IGSF3: variants seen among roughly 807,000 people sequenced by gnomAD.
IGSF3 encodes glu-Trp-Ile EWI motif-containing protein 3.
Under a neutral mutation model 114.4 loss-of-function variants are expected in IGSF3, and 23 were observed. That is an observed-to-expected ratio of 0.20 (90% CI 0.14 to 0.28). The LOEUF is 0.28. IGSF3 is among the 10% of genes least tolerant of loss of function. IGSF3 has a pLI of 1.00. For synonymous variants in IGSF3, 571 were observed against 645.2 expected (o/e 0.88, Z 1.74); for missense variants, 1,172 against 1,591.5 (o/e 0.74, Z 4.48).
In IGSF3 at chr1:116,638,768, T is replaced by G. The variant is rs546947323; in HGVS notation, c.44-22311A>C. 4.1e-4 allele frequency among the ~76,000 whole-genome samples: 63 copies of G among 152,310 alleles called. No individual in the cohort carries two copies. Among genetic ancestry groups the G allele is most frequent in the African/African-American group, 1.5e-3 (62 of 41,566 alleles). ...ACCAGCTAACTCCTACAGCAGAGTC[T>G]TGCCAGGCCCTCCCCTAATTGCTCT... On this transcript the variant is annotated intron_variant, in intron 2 of 10. Coordinates refer to ENST00000369486, the MANE Select transcript of IGSF3 (RefSeq NM_001007237.3). This position sits in a 1 kb window ranked among gnomAD's most constrained non-coding sequence, Gnocchi z 4.1.
rs1648523353 is a variant in IGSF3, at chr1:116,649,141, T to G, written c.43+17143A>C. Among the ~76,000 whole-genome samples the G allele has an allele frequency of 6.6e-6, 1 of 152,154 alleles. No individual in the cohort carries two copies. On this transcript the variant is annotated intron_variant, in intron 2 of 10. Coordinates refer to ENST00000369486, the MANE Select transcript of IGSF3 (RefSeq NM_001007237.3). The surrounding 1 kb of genome is among the most constrained non-coding windows in gnomAD (Gnocchi z 4.5). Reference sequence around the variant, plus strand: ...GGATTTCCCAGCTGAGCAAGAACCGTCAAAGTCTGGTCCTGGAAGGACAGC... The same window carrying G: ...GGATTTCCCAGCTGAGCAAGAACCGGCAAAGTCTGGTCCTGGAAGGACAGC...
rs2101070417 is a variant in IGSF3, at chr1:116,651,267, A to G, written c.43+15017T>C. Among the ~76,000 whole-genome samples, 1 of 152,324 alleles carries G rather than the reference A, an allele frequency of 6.6e-6. No individual in the cohort carries two copies. The highest frequency in any genetic ancestry group is 2.1e-4 in the South Asian group (1 of 4,830). On this transcript the variant is annotated intron_variant, in intron 2 of 10. Coordinates refer to ENST00000369486, the MANE Select transcript of IGSF3 (RefSeq NM_001007237.3). This position sits in a 1 kb window ranked among gnomAD's most constrained non-coding sequence, Gnocchi z 4.4. ...TCTCTTTCCTGCCTCTTTCTTCTTC[A>G]GGCCAAATGGCTCCTATCCCTGCCT...
In IGSF3 at chr1:116,665,458, T is replaced by C. The variant is rs776429679; in HGVS notation, c.43+826A>G. 6.6e-6 allele frequency among the ~76,000 whole-genome samples: 1 copy of C among 152,132 alleles called. No individual in the cohort carries two copies. Among genetic ancestry groups the C allele is most frequent in the Non-Finnish European group, 1.5e-5 (1 of 68,010 alleles). On this transcript the variant is annotated intron_variant, in intron 2 of 10. Transcript: ENST00000369486. This position sits in a 1 kb window ranked among gnomAD's most constrained non-coding sequence, Gnocchi z 4.0. Reference sequence around the variant, plus strand: ...AATGAAGTTTATCCTAGACCTGAGATGTGTTCTAAGACAGCACGCTGAAGA... The same window carrying C: ...AATGAAGTTTATCCTAGACCTGAGACGTGTTCTAAGACAGCACGCTGAAGA...
At position 116,650,735 on chromosome 1, in the gene IGSF3, T is replaced by C. The variant is rs1648598953; in HGVS notation, c.43+15549A>G. The stretch of plus-strand genomic sequence containing the variant: ...CTGGCAGATAAGGATGCTCAACAAA[T>C]AGCTGTGGAACTACAAATTATCCTG... On this transcript the variant is annotated intron_variant, in intron 2 of 10. Coordinates refer to ENST00000369486, the MANE Select transcript of IGSF3 (RefSeq NM_001007237.3). This position sits in a 1 kb window ranked among gnomAD's most constrained non-coding sequence, Gnocchi z 5.0. Among the ~76,000 whole-genome samples the C allele has an allele frequency of 6.6e-6, 1 of 152,204 alleles. No individual in the cohort carries two copies. Among genetic ancestry groups the C allele is most frequent in the East Asian group, 1.9e-4 (1 of 5,202 alleles).
Position 116,655,493 on chromosome 1 carries a change from CA to C in IGSF3, c.43+10790del, listed in dbSNP as rs1237859051. Among the ~76,000 whole-genome samples the C allele has an allele frequency of 7.2e-5, 11 of 152,168 alleles. No homozygotes were observed. Among genetic ancestry groups the C allele is most frequent in the Non-Finnish European group, 1.3e-4 (9 of 68,040 alleles). On this transcript the variant is annotated intron_variant, in intron 2 of 10. Transcript: ENST00000369486. The surrounding 1 kb of genome is among the most constrained non-coding windows in gnomAD (Gnocchi z 4.3). ...TTCCCGTGAACGTTGAGAAGTAACC[CA>C]ACGCTGTGAAATGATAATCTTTTTA... is the stretch of plus-strand genomic sequence containing the variant.
rs2101403243 is a variant in IGSF3, at chr1:116,596,186, T to C, written c.2029+3755A>G. ...CAGACCACAAAGAAGCTTGCTGCGATAAATGATATCACAGCAGTGGAAGGC... is the reference window on the plus strand; with the variant it reads ...CAGACCACAAAGAAGCTTGCTGCGACAAATGATATCACAGCAGTGGAAGGC... On this transcript the variant is annotated intron_variant, in intron 7 of 10. Transcript: ENST00000369486. This position sits in a 1 kb window ranked among gnomAD's most constrained non-coding sequence, Gnocchi z 4.1. Among the ~76,000 whole-genome samples the C allele has an allele frequency of 6.6e-6, 1 of 152,348 alleles. No individual in the cohort carries two copies. The highest frequency in any genetic ancestry group is 1.9e-4 in the East Asian group (1 of 5,192).
At position 116,665,928 on chromosome 1, in the gene IGSF3, C is replaced by G. The variant is rs1273054941; in HGVS notation, c.43+356G>C. On this transcript the variant is annotated intron_variant, in intron 2 of 10. Coordinates refer to ENST00000369486, the MANE Select transcript of IGSF3 (RefSeq NM_001007237.3). The surrounding 1 kb of genome is among the most constrained non-coding windows in gnomAD (Gnocchi z 4.0). ...CCAATTAGGAATCAATGCAGCCCAACAAAGAAGTGAAAACACCAGAGCATC... is the reference window on the plus strand; with the variant it reads ...CCAATTAGGAATCAATGCAGCCCAAGAAAGAAGTGAAAACACCAGAGCATC... Among the ~76,000 whole-genome samples the G allele has an allele frequency of 1.3e-5, 2 of 152,158 alleles. No individual in the cohort carries two copies. The highest frequency in any genetic ancestry group is 4.8e-5 in the African/African-American group (2 of 41,424).
chr1:116,647,640 C>T lies in IGSF3; in HGVS notation c.43+18644G>A, dbSNP rs1388354173. Among the ~76,000 whole-genome samples the T allele has an allele frequency of 2.0e-5, 3 of 152,216 alleles. No individual in the cohort carries two copies. Among genetic ancestry groups the T allele is most frequent in the South Asian group, 4.1e-4 (2 of 4,830 alleles). ...TAGAAAAGTAACTTGCAAAATCATA[C>T]TGCTGGCTCCATAACAAATGTTGAT... On this transcript the variant is annotated intron_variant, in intron 2 of 10. Transcript: ENST00000369486. The surrounding 1 kb of genome is among the most constrained non-coding windows in gnomAD (Gnocchi z 4.6).
rs576349599 is a variant in IGSF3, at chr1:116,584,888, G to A, written c.2605C>T (p.Arg869Cys). Residue 869 changes from arginine to cysteine, a missense_variant, in exon 9 of 11, where the codon CGC (arginine) becomes TGC (cysteine). Around this residue, in one of 3 missense-constraint regions of IGSF3, gnomAD observed 423 missense variants for 509.8 expected, o/e 0.83. Coordinates refer to ENST00000369486, the MANE Select transcript of IGSF3 (RefSeq NM_001007237.3). This position sits in a 1 kb window ranked among gnomAD's most constrained non-coding sequence, Gnocchi z 5.8. ...TGGAAGGTGGCGTCACGGCTCAAGC[G>A]GGCCACAGTCTCCCGCTCAGGGTGG... ...PNHPERETVARLSRDATFHYG... is the reference protein window; with the variant it reads ...PNHPERETVACLSRDATFHYG... The A allele has an allele frequency of 1.8e-5, 29 of 1,614,196 alleles. No homozygotes were observed. Among genetic ancestry groups the A allele is most frequent in the African/African-American group, 9.3e-5 (7 of 75,054 alleles).
chr1:116,609,993 G>A (rs1433870644), intron 4 of IGSF3, among the ~76,000 whole-genome samples: 2 of 152,072 alleles, frequency 1.3e-5, no homozygotes, highest in Non-Finnish European at 2.9e-5. Flanking sequence ...CTTCCTGACA[G>A]GGAAAACCAC....
At position 116,624,951 on chromosome 1, in the gene IGSF3, T is replaced by C. The variant is rs1466091891; in HGVS notation, c.44-8494A>G. On this transcript the variant is annotated intron_variant, in intron 2 of 10. Coordinates refer to ENST00000369486, the MANE Select transcript of IGSF3 (RefSeq NM_001007237.3). The surrounding 1 kb of genome is among the most constrained non-coding windows in gnomAD (Gnocchi z 4.9). ...CCAGCTCCACCTGCCACCATGTGAG[T>C]GAACAAGCCTCCACTGTGAGCTGCC... is the stretch of plus-strand genomic sequence containing the variant. Among the ~76,000 whole-genome samples, 1 of 152,148 alleles carries C rather than the reference T, an allele frequency of 6.6e-6. No homozygotes were observed. Among genetic ancestry groups the C allele is most frequent in the Non-Finnish European group, 1.5e-5 (1 of 68,016 alleles).
rs894787654 is a variant in IGSF3, at chr1:116,588,432, G to T, written c.2440+262C>A. 1.3e-5 allele frequency among the ~76,000 whole-genome samples: 2 copies of T among 152,194 alleles called. No homozygotes were observed. The highest frequency in any genetic ancestry group is 4.8e-5 in the African/African-American group (2 of 41,454). On this transcript the variant is annotated intron_variant, in intron 8 of 10. Coordinates refer to ENST00000369486, the MANE Select transcript of IGSF3 (RefSeq NM_001007237.3). The surrounding 1 kb of genome is among the most constrained non-coding windows in gnomAD (Gnocchi z 4.9). ...TTGCCACATTTTGCTAACCACAGCT[G>T]CCCTGCTCCTTGGTGAAGATGGTAT... is the stretch of plus-strand genomic sequence containing the variant.
chr1:116,582,048 C>A lies in IGSF3; in HGVS notation c.2849-2171G>T, dbSNP rs981938406. Reference sequence around the variant, plus strand: ...CAGAAACACCTCCTCCCTCTTCAATCTCCCTTTGCTTTCTTGTCTTCTAAC... The same window carrying A: ...CAGAAACACCTCCTCCCTCTTCAATATCCCTTTGCTTTCTTGTCTTCTAAC... On this transcript the variant is annotated intron_variant, in intron 9 of 10. Coordinates refer to ENST00000369486, the MANE Select transcript of IGSF3 (RefSeq NM_001007237.3). The surrounding 1 kb of genome is among the most constrained non-coding windows in gnomAD (Gnocchi z 4.7). Among the ~76,000 whole-genome samples the A allele has an allele frequency of 2.6e-5, 4 of 152,304 alleles. No individual in the cohort carries two copies. The East Asian group carries it at 7.7e-4, about 29-fold the overall frequency.
rs1463614488 is a variant in IGSF3 at position 116,629,081 on chromosome 1, G to T, written c.44-12624C>A. ...ACAAGAATGAGCACTATACCATAGG[G>T]GGGTGGGTCACAAAAGCAGGAAAAG... On this transcript the variant is annotated intron_variant, in intron 2 of 10. Transcript: ENST00000369486. The surrounding 1 kb of genome is among the most constrained non-coding windows in gnomAD (Gnocchi z 4.3). Among the ~76,000 whole-genome samples, 1 of 152,158 alleles carries T rather than the reference G, an allele frequency of 6.6e-6. No individual in the cohort carries two copies. The highest frequency in any genetic ancestry group is 1.5e-5 in the Non-Finnish European group (1 of 68,036).
At position 116,574,828 on chromosome 1, in the gene IGSF3, C is replaced by T. The variant is rs1659273130; in HGVS notation, c.*2484G>A. ...CACCATTACCATCCATCTGACATCG[C>T]ATTTCCATAGAAATGGCCAAAGAAA... On this transcript the variant is annotated 3_prime_UTR_variant, in exon 11 of 11. Transcript: ENST00000369486. The surrounding 1 kb of genome is among the most constrained non-coding windows in gnomAD (Gnocchi z 5.2). The T allele has an allele frequency of 6.6e-6, 1 of 152,630 alleles. No individual in the cohort carries two copies. Among genetic ancestry groups the T allele is most frequent in the South Asian group, 2.1e-4 (1 of 4,830 alleles). The allele number at this position is 152,630 out of a possible 1,614,324, so 9.5% of individuals were successfully genotyped here. A position where few individuals can be genotyped will look rare whatever the true frequency, so the allele number is the denominator to read the frequency against.
Position 116,588,931 on chromosome 1 carries a change from G to C in IGSF3, c.2203C>G (p.His735Asp). ...ADGKLILKTT[H>D]NSAFEYGTYA... ...GTACCGTATTCAAAGGCGGAGTTGT[G>C]GGTGGTCTTCAGGATAAGCTTGCCA... The change falls in exon 8 of 11, where the codon CAC becomes GAC. Residue 735 changes from histidine (H) to aspartate (D), a missense_variant. This residue lies in a region of IGSF3 where 736 missense variants were observed against 1,042.0 expected (regional missense o/e 0.71). Transcript: ENST00000369486. This position sits in a 1 kb window ranked among gnomAD's most constrained non-coding sequence, Gnocchi z 4.9. 1 of 1,614,192 alleles carries C rather than the reference G, an allele frequency of 6.2e-7. No individual in the cohort carries two copies. Among genetic ancestry groups the C allele is most frequent in the Admixed American group, 1.7e-5 (1 of 60,030 alleles).
Position 116,588,610 on chromosome 1 carries a change from C to A in IGSF3, c.2440+84G>T, listed in dbSNP as rs1395788787. On this transcript the variant is annotated intron_variant, in intron 8 of 10. Transcript: ENST00000369486. This position sits in a 1 kb window ranked among gnomAD's most constrained non-coding sequence, Gnocchi z 4.9. ...GCACCTTGCAGACAGTCTCTCCACACCAGCCCCACAGATCCCCACCCACCC... is the reference window on the plus strand; with the variant it reads ...GCACCTTGCAGACAGTCTCTCCACAACAGCCCCACAGATCCCCACCCACCC... 7.7e-7 allele frequency: 1 copy of A among 1,293,042 alleles called. No individual in the cohort carries two copies. Among genetic ancestry groups the A allele is most frequent in the Non-Finnish European group, 1.1e-6 (1 of 939,138 alleles). The allele number at this position is 1,293,042 out of a possible 1,614,324, so 80.1% of individuals were successfully genotyped here.
Position 116,664,366 on chromosome 1 carries a change from G to C in IGSF3, c.43+1918C>G, listed in dbSNP as rs905844437. ...CACTCCACAGAGTGGCCCAGAGAGC[G>C]AACAGCAGGGGGACCAGCATGCAGC... On this transcript the variant is annotated intron_variant, in intron 2 of 10. Transcript: ENST00000369486. The surrounding 1 kb of genome is among the most constrained non-coding windows in gnomAD (Gnocchi z 4.6). 2.0e-5 allele frequency among the ~76,000 whole-genome samples: 3 copies of C among 152,192 alleles called. No individual in the cohort carries two copies. Among genetic ancestry groups the C allele is most frequent in the Admixed American group, 6.5e-5 (1 of 15,282 alleles).
At chr1:116,599,898 T>A in intron 7 of IGSF3, 43 bp downstream of exon 7, 1 of 1,569,788 alleles carries the variant, frequency 6.4e-7, no homozygotes, top group Non-Finnish European at 8.7e-7. Flanking sequence ...TCACGTCTGC[T>A]CAGGCAGCAT....
Sources: allele counts gnomAD v4.1 joint callset (sites outside exome capture counted in the v4.1 genomes callset), GRCh38; gene constraint gnomAD v4.1.1; regional missense constraint gnomAD v4.1.1; non-coding constraint Gnocchi (gnomAD v3.1); transcripts MANE v1.5; gene names NCBI Gene and HGNC (gene_info 2026-07-23, HGNC 2026-07-21).